The following SNTA1 variants were observed in gnomAD, a reference collection of about 807,000 sequenced individuals.
SNTA1 encodes the protein alpha-1-syntrophin.
In SNTA1, 31 loss-of-function variants were observed where a neutral mutation model predicts 47.1. The ratio of observed to expected loss-of-function variants is 0.66; its 90% CI spans 0.49 to 0.89. The LOEUF (loss-of-function observed/expected upper bound fraction) is 0.89, where lower values mean the gene tolerates loss of function less well. Ranked by LOEUF, SNTA1 falls within the 40% of genes least tolerant of loss-of-function variation. The pLI is 0.00. For missense variants in SNTA1, 575 were observed against 693.0 expected (o/e 0.83, Z 1.91); for synonymous variants, 300 against 313.6 (o/e 0.96, Z 0.46).
intron 6 of SNTA1, 94 bp from the exon 7 acceptor site, chr20:33,408,982 G>T: frequency 8.8e-7 from 1 of 1,130,220 alleles, no homozygotes; most frequent in Non-Finnish European, 1.3e-6. Context: ...AGTGGGGCCT[G>T]AATGCCTCCA....
rs1051158920 is a variant in SNTA1, at chr20:33,443,705, C to G, written c.-85G>C. ...CCGACCAAGCGCCCAGGGCAGAGGGCAGCGGGGGCCCGGCTGGGCCAGCCG... is the reference window on the plus strand; with the variant it reads ...CCGACCAAGCGCCCAGGGCAGAGGGGAGCGGGGGCCCGGCTGGGCCAGCCG... On this transcript the variant is annotated 5_prime_UTR_variant, in exon 1 of 8. Coordinates refer to ENST00000217381, the MANE Select transcript of SNTA1 (RefSeq NM_003098.3). 5.6e-6 allele frequency: 5 copies of G among 885,664 alleles called. No homozygotes were observed. Among genetic ancestry groups the G allele is most frequent in the Non-Finnish European group, 7.1e-6 (5 of 703,916 alleles). The allele number at this position is 885,664 out of a possible 1,614,324, so 54.9% of individuals were successfully genotyped here.
chr20:33,431,460 G>A (rs925542171), intron 2 of SNTA1, among the ~76,000 whole-genome samples: 1 of 151,662 alleles, frequency 6.6e-6, no homozygotes, highest in Non-Finnish European at 1.5e-5. Context: ...AAATAACATA[G>A]GGAAGGGCCG....
intron 2 of SNTA1, among the ~76,000 whole-genome samples, chr20:33,434,896 G>A (rs933393983): frequency 2.7e-5 from 4 of 150,164 alleles, no homozygotes; most frequent in Admixed American, 1.3e-4. Context: ...AACTTCAATA[G>A]GAAAACTGAG....
chr20:33,435,480 T>C (rs158672), intron 2 of SNTA1, among the ~76,000 whole-genome samples: 104,847 of 151,796 alleles, frequency 0.69, 36,331 homozygotes, highest in Admixed American at 0.75. Context: ...CACCTGTAAT[T>C]CCAGCTACAG....
At chr20:33,430,387 C>G (rs1290868917) in intron 2 of SNTA1, among the ~76,000 whole-genome samples, 1 of 149,762 alleles carries the variant, frequency 6.7e-6, no homozygotes, top group South Asian at 2.1e-4. Context: ...CTCCTGGGCT[C>G]AAGCAATTCT....
At chr20:33,441,606 C>T (rs568384203) in intron 1 of SNTA1, among the ~76,000 whole-genome samples, 31 of 152,282 alleles carry the variant, frequency 2.0e-4, no homozygotes, top group Non-Finnish European at 3.7e-4. Flanking sequence ...TATGATCACT[C>T]ATGGCTGCCT....
chr20:33,410,598 C>G (rs1989717517), intron 5 of SNTA1, among the ~76,000 whole-genome samples: 1 of 152,136 alleles, frequency 6.6e-6, no homozygotes, highest in Admixed American at 6.6e-5. Flanking sequence ...TTCCCTCTGC[C>G]TATACATGCT....
intron 2 of SNTA1, among the ~76,000 whole-genome samples, chr20:33,435,241 C>T (rs778591989): frequency 2.4e-4 from 36 of 150,856 alleles, no homozygotes; most frequent in Non-Finnish European, 3.7e-4. Context: ...ATCCACCCGC[C>T]TCAGCCTCCC....
At position 33,417,918 on chromosome 20, in the gene SNTA1, A is replaced by G. The variant is rs1989917754; in HGVS notation, c.502T>C (p.Tyr168His). 3 of 1,611,814 alleles carry G rather than the reference A, an allele frequency of 1.9e-6. No individual in the cohort carries two copies. Among genetic ancestry groups the G allele is most frequent in the Admixed American group, 3.3e-5 (2 of 59,972 alleles). ...TGKEVVLEVK[Y>H]MKDVSPYFKN... ...AAATACGGTGAGACGTCCTTCATAT[A>G]CTTGACTGATTGGGAGAGACATCAG... is the stretch of plus-strand genomic sequence containing the variant. Residue 168 changes from tyrosine (Y) to histidine (H), a missense_variant, in exon 3 of 8, where the codon TAT (tyrosine) becomes CAT (histidine). Coordinates refer to ENST00000217381, the MANE Select transcript of SNTA1 (RefSeq NM_003098.3).
intron 3 of SNTA1, among the ~76,000 whole-genome samples, chr20:33,413,376 G>A (rs1006196762): frequency 3.3e-5 from 5 of 151,734 alleles, no homozygotes; most frequent in African/African-American, 7.3e-5. Context: ...TGATCACCCC[G>A]CCTTCGCCCT....
intron 2 of SNTA1, among the ~76,000 whole-genome samples, chr20:33,431,100 A>C (rs1990296513): frequency 6.6e-6 from 1 of 151,904 alleles, no homozygotes; most frequent in Non-Finnish European, 1.5e-5. Context: ...TCTACAAAAA[A>C]TCAAAACAAT....
In SNTA1 at chr20:33,408,304, C is replaced by A; in HGVS notation, c.*203G>T. On this transcript the variant is annotated 3_prime_UTR_variant, in exon 8 of 8. Transcript: ENST00000217381. ...GAGGGGGGCAGCAGGAAGGCCACCCCATCACAGGCAGAGTCCACTCTGTCC... is the reference window on the plus strand; with the variant it reads ...GAGGGGGGCAGCAGGAAGGCCACCCAATCACAGGCAGAGTCCACTCTGTCC... 1.6e-6 allele frequency: 1 copy of A among 613,698 alleles called. No individual in the cohort carries two copies. The highest frequency in any genetic ancestry group is 2.9e-6 in the Non-Finnish European group (1 of 339,148). The allele number at this position is 613,698 out of a possible 1,614,324, so 38.0% of individuals were successfully genotyped here.
At chr20:33,439,483 C>G (rs767494406) in intron 1 of SNTA1, among the ~76,000 whole-genome samples, 16 of 151,972 alleles carry the variant, frequency 1.1e-4, no homozygotes, top group Non-Finnish European at 1.8e-4. Context: ...CAGAAGGAGA[C>G]CCTGTCTCAA....
intron 3 of SNTA1, among the ~76,000 whole-genome samples, chr20:33,414,549 A>T (rs139426797): frequency 6.6e-6 from 1 of 151,716 alleles, no homozygotes; most frequent in Non-Finnish European, 1.5e-5. Context: ...AGCTGAGATC[A>T]CACCACTGCA....
chr20:33,430,030 A>C (rs1426286064), intron 2 of SNTA1, among the ~76,000 whole-genome samples: 2 of 152,136 alleles, frequency 1.3e-5, no homozygotes, highest in Non-Finnish European at 2.9e-5. Context: ...ATTTTCTAAA[A>C]AATCTAGTTT....
At position 33,412,345 on chromosome 20, in the gene SNTA1, G is replaced by A. The variant is rs769528459; in HGVS notation, c.991C>T (p.Arg331Cys). ...CGGGCTGGCCGGCTCAGGGCCTCGC[G>A]GGTCTCGGGGAGAGACAAGTAGAGG... is the stretch of plus-strand genomic sequence containing the variant. ...LLLYLSLPET[R>C]EALSRPARTA... The change falls in exon 5 of 8, where the codon CGC becomes TGC. Residue 331 changes from arginine (R) to cysteine (C), a missense_variant. Arg to Cys is a radical substitution (Grantham distance 180, BLOSUM62 -3). Transcript: ENST00000217381. The A allele has an allele frequency of 9.3e-6, 15 of 1,611,788 alleles. No homozygotes were observed. The highest frequency in any genetic ancestry group is 2.2e-5 in the South Asian group (2 of 90,524).
intron 2 of SNTA1, among the ~76,000 whole-genome samples, chr20:33,433,910 A>G (rs1006684554): frequency 7.9e-5 from 12 of 152,088 alleles, no homozygotes; most frequent in African/African-American, 2.2e-4. Flanking sequence ...TGAGCCCCCA[A>G]CTTAGGCCAG....
At chr20:33,427,636 CT>C (rs1242194942) in intron 2 of SNTA1, among the ~76,000 whole-genome samples, 1 of 152,142 alleles carries the variant, frequency 6.6e-6, no homozygotes, top group African/African-American at 2.4e-5. Flanking sequence ...GCATGTGACC[CT>C]TTTGACCTAA....
chr20:33,413,539 T>C (rs763654894), intron 3 of SNTA1, among the ~76,000 whole-genome samples: 3 of 151,996 alleles, frequency 2.0e-5, no homozygotes, highest in Non-Finnish European at 4.4e-5. Context: ...CCCTTTCTCC[T>C]GGTTTCTAAG....
Sources: allele counts gnomAD v4.1 joint callset (sites outside exome capture counted in the v4.1 genomes callset), GRCh38; gene constraint gnomAD v4.1.1; transcripts MANE v1.5; gene names NCBI Gene and HGNC (gene_info 2026-07-23, HGNC 2026-07-21).